HECW2: variants seen among roughly 807,000 people sequenced by gnomAD.
HECW2 encodes E3 ubiquitin-protein ligase HECW2.
Under a neutral mutation model 175.2 loss-of-function variants are expected in HECW2, and 61 were observed. That is an observed-to-expected ratio of 0.35 (90% CI 0.28 to 0.43). The LOEUF (loss-of-function observed/expected upper bound fraction) is 0.43, where lower values mean the gene tolerates loss of function less well. HECW2 is among the 20% of genes least tolerant of loss of function. HECW2 has a pLI of 1.00. For missense variants in HECW2, 1,524 were observed against 2,000.5 expected (o/e 0.76, Z 4.54); for synonymous variants, 671 against 731.0 (o/e 0.92, Z 1.32).
At chr2:196,344,032 C>T (rs1409715332) in intron 2 of HECW2, among the ~76,000 whole-genome samples, 3 of 152,068 alleles carry the variant, frequency 2.0e-5, no homozygotes, top group Admixed American at 2.0e-4. Context: ...CTGCAAAGAA[C>T]AAAGGGTACA....
chr2:196,268,864 A>C (rs1689619529), intron 17 of HECW2, among the ~76,000 whole-genome samples: 1 of 152,200 alleles, frequency 6.6e-6, no homozygotes, highest in African/African-American at 2.4e-5. Flanking sequence ...TAACATTTCT[A>C]ATTAGATCAC....
chr2:196,531,691 G>A (rs1215140752), intron 1 of HECW2, among the ~76,000 whole-genome samples: 1 of 151,710 alleles, frequency 6.6e-6, no homozygotes, highest in African/African-American at 2.4e-5. Context: ...AAGTTTTCAG[G>A]ATGAGACCAA....
intron 1 of HECW2, among the ~76,000 whole-genome samples, chr2:196,537,664 A>C (rs1369127220): frequency 3.3e-5 from 5 of 152,108 alleles, no homozygotes. Context: ...GCATTCTCAG[A>C]AAGTGAGGCA....
At chr2:196,253,465 T>C (rs1468254021) in intron 19 of HECW2, among the ~76,000 whole-genome samples, 4 of 152,230 alleles carry the variant, frequency 2.6e-5, no homozygotes, top group African/African-American at 7.2e-5. Flanking sequence ...ACATCTTCTA[T>C]CTGCCAATCC....
rs558310067 is a variant in HECW2 at position 196,418,612 on chromosome 2, C to T, written c.292+14520G>A. On this transcript the variant is annotated intron_variant, in intron 2 of 28. Transcript: ENST00000644978. Reference sequence around the variant, plus strand: ...CTATGACTGCTTAGAGCAACAGATGCACATTTTCGGAAACAAGAGAATAAG... The same window carrying T: ...CTATGACTGCTTAGAGCAACAGATGTACATTTTCGGAAACAAGAGAATAAG... Among the ~76,000 whole-genome samples the T allele has an allele frequency of 8.5e-5, 13 of 152,212 alleles. 1 individual carries two copies. The South Asian group carries it at 2.3e-3, about 27-fold the overall frequency.
chr2:196,249,600 T>TA (rs11427864), intron 19 of HECW2, among the ~76,000 whole-genome samples: 21,844 of 152,128 alleles, frequency 0.14, 3,455 homozygotes, highest in African/African-American at 0.4. Context: ...TCAGACCACT[T>TA]AAAAAAATCT....
chr2:196,518,440 G>A (rs887260762), intron 1 of HECW2, among the ~76,000 whole-genome samples: 3 of 151,980 alleles, frequency 2.0e-5, no homozygotes, highest in Non-Finnish European at 4.4e-5. Context: ...TGGATCGCTT[G>A]AGGTCAGGAG....
At chr2:196,543,022 C>T (rs1404718740) in intron 1 of HECW2, among the ~76,000 whole-genome samples, 1 of 148,372 alleles carries the variant, frequency 6.7e-6, no homozygotes, top group Non-Finnish European at 1.5e-5. Context: ...AGTTGTAATA[C>T]ACACACACAC....
chr2:196,499,018 C>T (rs1687489853), intron 1 of HECW2, among the ~76,000 whole-genome samples: 1 of 152,126 alleles, frequency 6.6e-6, no homozygotes, highest in Non-Finnish European at 1.5e-5. Flanking sequence ...AATTAGCCTT[C>T]CCTATTCCCC....
intron 2 of HECW2, among the ~76,000 whole-genome samples, chr2:196,405,950 C>G (rs771054054): frequency 2.3e-4 from 35 of 152,170 alleles, no homozygotes; most frequent in Non-Finnish European, 1.2e-4. Context: ...TGCTTGACCT[C>G]CCTCCTACTT....
chr2:196,204,969 T>A (rs555411511), intron 28 of HECW2, among the ~76,000 whole-genome samples: 2 of 152,296 alleles, frequency 1.3e-5, no homozygotes, highest in East Asian at 3.9e-4. Flanking sequence ...GCCTAAATAC[T>A]CTTTTCAGTT....
At chr2:196,386,192 C>T (rs559489969) in intron 2 of HECW2, among the ~76,000 whole-genome samples, 78 of 152,098 alleles carry the variant, frequency 5.1e-4, no homozygotes, top group African/African-American at 1.7e-3. Context: ...TACATTCTAG[C>T]GGGAGATGGA....
chr2:196,298,138 G>T (rs115973233), intron 13 of HECW2, among the ~76,000 whole-genome samples: 1 of 152,110 alleles, frequency 6.6e-6, no homozygotes, highest in South Asian at 2.1e-4. Context: ...TATTTGGCAC[G>T]TATGTTGGAA....
chr2:196,398,101 G>C (rs1443852224), intron 2 of HECW2, among the ~76,000 whole-genome samples: 3 of 142,614 alleles, frequency 2.1e-5, no homozygotes, highest in Non-Finnish European at 4.6e-5. Context: ...GTAGGGGAAA[G>C]GTGGCTGGAT....
intron 7 of HECW2, 66 bp downstream of exon 7, chr2:196,322,412 G>T: frequency 7.1e-7 from 1 of 1,413,946 alleles, no homozygotes; most frequent in Non-Finnish European, 9.7e-7. Flanking sequence ...GGACTACCAA[G>T]TTTCATGTCA....
chr2:196,444,188 A>G (rs1696118606), intron 1 of HECW2, among the ~76,000 whole-genome samples: 1 of 152,254 alleles, frequency 6.6e-6, no homozygotes, highest in South Asian at 2.1e-4. Flanking sequence ...ATACATCTCA[A>G]AACATTACCT....
intron 13 of HECW2, among the ~76,000 whole-genome samples, chr2:196,294,190 C>T (rs12613970): frequency 0.65 from 99,136 of 152,062 alleles, 32,878 homozygotes; most frequent in East Asian, 0.83. Flanking sequence ...CACAAACTGA[C>T]TATGTCATGA....
At chr2:196,387,759 C>T (rs1355413503) in intron 2 of HECW2, among the ~76,000 whole-genome samples, 2 of 152,036 alleles carry the variant, frequency 1.3e-5, no homozygotes, top group Non-Finnish European at 2.9e-5. Flanking sequence ...ATGAAGTCAA[C>T]AGTAGAAAAG....
At chr2:196,518,092 AAGAC>A (rs1234721677) in intron 1 of HECW2, among the ~76,000 whole-genome samples, 1 of 152,206 alleles carries the variant, frequency 6.6e-6, no homozygotes, top group Non-Finnish European at 1.5e-5. Context: ...TAAATGAAAA[AAGAC>A]AGAAATCCCC....
Sources: allele counts gnomAD v4.1 joint callset (sites outside exome capture counted in the v4.1 genomes callset), GRCh38; gene constraint gnomAD v4.1.1; transcripts MANE v1.5; gene names NCBI Gene and HGNC (gene_info 2026-07-23, HGNC 2026-07-21).